Variants in FMO5 observed in about 807,000 individuals in gnomAD.
FMO5 encodes flavin containing dimethylaniline monoxygenase 5.
In FMO5, 51 loss-of-function variants were observed where a neutral mutation model predicts 43.6. The observed-to-expected ratio is 1.17, with a 90% CI of 0.93 to 1.48. The LOEUF (loss-of-function observed/expected upper bound fraction) is 1.48, where lower values mean the gene tolerates loss of function less well. Among genes scored for constraint, FMO5 ranks in the 40% most tolerant of loss-of-function variants. FMO5 has a pLI of 0.00. For missense variants in FMO5, 644 were observed against 643.0 expected, an observed-to-expected ratio of 1.00 and a Z score of -0.02; for synonymous variants, 187 against 216.5, an observed-to-expected ratio of 0.86 and a Z score of 1.20.
chr1:147,224,152 G>GGC (rs1663583282), intron 2 of FMO5: 1 of 302,822 alleles, frequency 3.3e-6, no homozygotes, highest in South Asian at 2.9e-5. Flanking sequence ...AGACCTGCAC[G>GGC]ACGTTGCCTT....
intron 6 of FMO5, among the ~76,000 whole-genome samples, chr1:147,207,452 C>G (rs1421859286): frequency 1.3e-5 from 2 of 152,160 alleles, no homozygotes; most frequent in East Asian, 1.9e-4. Context: ...TTTTCCCTCC[C>G]TGGTTCTCTG....
Position 147,201,302 on chromosome 1 carries a change from C to T in FMO5, c.1033G>A (p.Val345Met). 3.1e-6 allele frequency: 5 copies of T among 1,614,192 alleles called. No individual in the cohort carries two copies. The highest frequency in any genetic ancestry group is 4.2e-6 in the Non-Finnish European group (5 of 1,180,034). Reference protein sequence around the residue: ...DFPFLEDSVKVVKNKISLYKK... With the variant: ...DFPFLEDSVKMVKNKISLYKK... ...TACAGGGATATCTTGTTTTTGACCA[C>T]TTTGACGGAATCTTCCAGAAATGGA... The change falls in exon 7 of 9, where the codon GTG becomes ATG. Residue 345 changes from valine (V) to methionine (M), a missense_variant. Coordinates refer to ENST00000254090, the MANE Select transcript of FMO5 (RefSeq NM_001461.4).
intron 6 of FMO5, 91 bp downstream of exon 6, chr1:147,208,761 G>T: frequency 9.6e-7 from 1 of 1,039,982 alleles, no homozygotes. Context: ...CTTAATGTAT[G>T]GGTAGAGGTG....
intron 5 of FMO5, 30 bp downstream of exon 5, chr1:147,212,363 C>A: frequency 6.2e-7 from 1 of 1,611,606 alleles, no homozygotes. Flanking sequence ...TAGAGTTAAG[C>A]AACGTAAATA....
intron 7 of FMO5, among the ~76,000 whole-genome samples, chr1:147,200,613 T>C (rs1553920670): frequency 2.6e-5 from 4 of 151,618 alleles, no homozygotes; most frequent in African/African-American, 9.7e-5. Flanking sequence ...CATATATTCC[T>C]AGCCAAAACT....
intron 2 of FMO5, among the ~76,000 whole-genome samples, chr1:147,218,382 C>T (rs1365180340): frequency 3.3e-5 from 5 of 151,434 alleles, no homozygotes; most frequent in African/African-American, 4.9e-5. Context: ...CCTACAGGCA[C>T]GCGCCACTAT....
At chr1:147,224,056 C>A in intron 2 of FMO5, 1 of 392,718 alleles carries the variant, frequency 2.5e-6, no homozygotes, top group South Asian at 1.9e-5. Context: ...AGCTGGTTGT[C>A]TTCCTGCCTG....
chr1:147,220,773 T>C (rs1210964021), intron 2 of FMO5, among the ~76,000 whole-genome samples: 1 of 152,164 alleles, frequency 6.6e-6, no homozygotes, highest in Non-Finnish European at 1.5e-5. Context: ...ACCAGCCCCA[T>C]ACAATTTATC....
Position 147,212,478 on chromosome 1 carries a change from C to A in FMO5, c.545G>T (p.Gly182Val). 6.2e-7 allele frequency: 1 copy of A among 1,612,786 alleles called. No homozygotes were observed. Among genetic ancestry groups the A allele is most frequent in the Non-Finnish European group, 8.5e-7 (1 of 1,178,786 alleles). ...TATAATGACTCTCTTTCCAGTGAATCCCTCTGGGTTCTTATAGTCTCGACT... is the reference window on the plus strand; with the variant it reads ...TATAATGACTCTCTTTCCAGTGAATACCTCTGGGTTCTTATAGTCTCGACT... Reference protein sequence around the residue: ...FHSRDYKNPEGFTGKRVIIIG... With the variant: ...FHSRDYKNPEVFTGKRVIIIG... The change falls in exon 5 of 9, where the codon GGA becomes GTA. Residue 182 changes from glycine to valine, a missense_variant. Transcript: ENST00000254090.
chr1:147,189,445 C>T (rs1656274259), intron 8 of FMO5, among the ~76,000 whole-genome samples: 1 of 152,112 alleles, frequency 6.6e-6, no homozygotes, highest in African/African-American at 2.4e-5. Context: ...TAAAAACTTA[C>T]TTTCTCCTCC....
At chr1:147,213,273 G>A in intron 4 of FMO5, 35 bp downstream of exon 4, 1 of 1,548,702 alleles carries the variant, frequency 6.5e-7, no homozygotes, top group Non-Finnish European at 8.7e-7. Context: ...TCACAGGCAT[G>A]GGTCAAGGGT....
rs587679986 is a variant in FMO5 at position 147,215,823 on chromosome 1, A to G, written c.255T>C (p.Asn85=). The G allele has an allele frequency of 8.9e-5, 144 of 1,613,918 alleles. 4 individuals carry two copies. In the South Asian group the frequency reaches 1.5e-3, roughly 17 times the overall value. ...TCCTGAAATACTCCAGGACCTGGGCATTATGCATGAAGTTGGGATAATGAT... is the reference window on the plus strand; with the variant it reads ...TCCTGAAATACTCCAGGACCTGGGCGTTATGCATGAAGTTGGGATAATGAT... The part of the protein sequence containing the change: ...IPDHYPNFMH[N]AQVLEYFRMY... Residue 85 remains asparagine, a synonymous_variant, in exon 3 of 9, where the codon AAT becomes AAC. Coordinates refer to ENST00000254090, the MANE Select transcript of FMO5 (RefSeq NM_001461.4).
At chr1:147,208,075 A>G (rs587712038) in intron 6 of FMO5, among the ~76,000 whole-genome samples, 1 of 152,344 alleles carries the variant, frequency 6.6e-6, no homozygotes, top group South Asian at 2.1e-4. Flanking sequence ...GGCTATTGTC[A>G]GGATTAAGTG....
At chr1:147,207,473 C>T (rs1553922660) in intron 6 of FMO5, among the ~76,000 whole-genome samples, 45 of 152,138 alleles carry the variant, frequency 3.0e-4, no homozygotes, top group Non-Finnish European at 2.9e-5. Context: ...AGGACCCCAT[C>T]CTTTGTACTT....
intron 5 of FMO5, among the ~76,000 whole-genome samples, chr1:147,211,920 A>T (rs1553923805): frequency 3.3e-5 from 5 of 152,266 alleles, no homozygotes; most frequent in Admixed American, 2.6e-4. Context: ...ACTTTTTTCC[A>T]TTTGGGGAGT....
chr1:147,205,595 C>A (rs782243675), intron 6 of FMO5, among the ~76,000 whole-genome samples: 13 of 151,996 alleles, frequency 8.6e-5, no homozygotes, highest in Non-Finnish European at 1.6e-4. Flanking sequence ...AGAACAGAGC[C>A]CTCAGAAATA....
chr1:147,214,993 T>G (rs868950649), intron 3 of FMO5: 12 of 152,248 alleles, frequency 7.9e-5, no homozygotes, highest in African/African-American at 2.6e-4. Context: ...GAAAAAGGCA[T>G]GACTTAGCAG....
At chr1:147,206,678 C>T (rs1435136334) in intron 6 of FMO5, among the ~76,000 whole-genome samples, 1 of 152,130 alleles carries the variant, frequency 6.6e-6, no homozygotes. Context: ...AAACCAAACA[C>T]TGCATGTTCT....
In FMO5 at chr1:147,187,264, AAACC is replaced by A. The variant is rs1553917382; in HGVS notation, c.1257-23_1257-20del. 1 of 1,544,624 alleles carries A rather than the reference AAACC, an allele frequency of 6.5e-7. No individual in the cohort carries two copies. Among genetic ancestry groups the A allele is most frequent in the East Asian group, 2.2e-5 (1 of 44,454 alleles). On this transcript the variant is annotated intron_variant, in intron 8 of 8. Coordinates refer to ENST00000254090, the MANE Select transcript of FMO5 (RefSeq NM_001461.4). ...CACATACCTAAAGTAGAAAAGACAG[AAACC>A]ATGGCCTGTCAATAATTCAATCAGT...
Sources: allele counts gnomAD v4.1 joint callset (sites outside exome capture counted in the v4.1 genomes callset), GRCh38; gene constraint gnomAD v4.1.1; transcripts MANE v1.5; gene names NCBI Gene and HGNC (gene_info 2026-07-23, HGNC 2026-07-21).